CAPN15: variants seen among roughly 807,000 people sequenced by gnomAD.
CAPN15 encodes the protein calpain-15.
Under a neutral mutation model 97.9 loss-of-function variants are expected in CAPN15, and 53 were observed. The observed-to-expected ratio is 0.54, with a 90% CI of 0.43 to 0.68. The LOEUF is 0.68. Ranked by LOEUF, CAPN15 falls within the 30% of genes least tolerant of loss-of-function variation. The pLI, the probability that CAPN15 is intolerant of heterozygous loss-of-function variation, is 0.00. For synonymous variants in CAPN15, 922 were observed against 722.5 expected, an observed-to-expected ratio of 1.28 and a Z score of -4.43; for missense variants, 1,592 against 1,589.8, an observed-to-expected ratio of 1.00 and a Z score of -0.02.
rs780300542 is a variant in CAPN15, at chr16:528,840, G to A, written c.-190+811G>A. Reference sequence around the variant, plus strand: ...CTGAAGAGTTGTGTGCTTCTCCTTCGGGAAACCCGGATCTCTTCCTCTGCC... The same window carrying A: ...CTGAAGAGTTGTGTGCTTCTCCTTCAGGAAACCCGGATCTCTTCCTCTGCC... On this transcript the variant is annotated intron_variant, in intron 1 of 13. Transcript: ENST00000219611. 8 of 858,218 alleles carry A rather than the reference G, an allele frequency of 9.3e-6. No individual in the cohort carries two copies. In the South Asian group the frequency reaches 2.7e-4, roughly 29 times the overall value. The allele number at this position is 858,218 out of a possible 1,614,324, so 53.2% of individuals were successfully genotyped here. A position where few individuals can be genotyped will look rare whatever the true frequency, so the allele number is the denominator to read the frequency against.
intron 3 of CAPN15, chr16:540,089 C>G (rs1267520195): frequency 3.0e-6 from 3 of 985,298 alleles, no homozygotes; most frequent in Admixed American, 1.2e-4. Context: ...GTCACTCTGC[C>G]CAGCCGGCCG....
chr16:533,439 G>T (rs2033417066), intron 1 of CAPN15, among the ~76,000 whole-genome samples: 1 of 152,158 alleles, frequency 6.6e-6, no homozygotes. Context: ...GTGGCCGGGT[G>T]GCACTCGGGC....
chr16:548,196 G>T lies in CAPN15; in HGVS notation c.1358G>T (p.Arg453Leu). 2.6e-6 allele frequency: 4 copies of T among 1,542,324 alleles called. No individual in the cohort carries two copies. The highest frequency in any genetic ancestry group is 3.5e-6 in the Non-Finnish European group (4 of 1,144,782). The change falls in exon 4 of 14, where the codon CGC becomes CTC. Residue 453 changes from arginine (R) to leucine (L), a missense_variant. This residue lies in a region of CAPN15 where 883 missense variants were observed against 776.6 expected (regional missense o/e 1.14). Coordinates refer to ENST00000219611, the MANE Select transcript of CAPN15 (RefSeq NM_005632.3). ...AQRRGAAPLR[R>L]RESMHVEQRR... is the part of the protein sequence containing the mutation. Reference sequence around the variant, plus strand: ...CGGCGGGGGGCCGCGCCCCTGAGGCGCAGGGAGAGCATGCACGTGGAGCAG... The same window carrying T: ...CGGCGGGGGGCCGCGCCCCTGAGGCTCAGGGAGAGCATGCACGTGGAGCAG...
intron 13 of CAPN15, 28 bp downstream of exon 13, chr16:553,069 C>G: frequency 3.7e-6 from 5 of 1,353,452 alleles, no homozygotes; most frequent in Non-Finnish European, 5.0e-6. Flanking sequence ...CCCCCCCACC[C>G]CTGCACAGGT....
At chr16:542,561 C>T (rs2034194082) in intron 3 of CAPN15, among the ~76,000 whole-genome samples, 1 of 152,134 alleles carries the variant, frequency 6.6e-6, no homozygotes, top group Non-Finnish European at 1.5e-5. Flanking sequence ...GTCTCATCCA[C>T]CCGTGCCTGT....
At position 547,645 on chromosome 16, in the gene CAPN15, C is replaced by G. The variant is rs536478246; in HGVS notation, c.807C>G (p.Ala269=). ...VPEAAQPSPS[A]GCRGAPQGSG... is the part of the protein sequence containing the mutation. Reference sequence around the variant, plus strand: ...AGGCTGCCCAGCCGTCACCCTCTGCCGGCTGCAGGGGAGCCCCCCAGGGCT... The same window carrying G: ...AGGCTGCCCAGCCGTCACCCTCTGCGGGCTGCAGGGGAGCCCCCCAGGGCT... Residue 269 remains alanine, a synonymous_variant, in exon 4 of 14, where the codon GCC becomes GCG. Transcript: ENST00000219611. The G allele has an allele frequency of 3.8e-6, 6 of 1,570,200 alleles. No individual in the cohort carries two copies. Among genetic ancestry groups the G allele is most frequent in the Non-Finnish European group, 5.2e-6 (6 of 1,158,608 alleles).
At position 548,082 on chromosome 16, in the gene CAPN15, A is replaced by T; in HGVS notation, c.1244A>T (p.Gln415Leu). The T allele has an allele frequency of 1.9e-6, 3 of 1,539,364 alleles. No individual in the cohort carries two copies. Among genetic ancestry groups the T allele is most frequent in the Non-Finnish European group, 2.6e-6 (3 of 1,142,960 alleles). Reference protein sequence around the residue: ...AARVLPERPGQWACPACTLLN... With the variant: ...AARVLPERPGLWACPACTLLN... ...CGCGTCCTGCCCGAGCGCCCGGGCC[A>T]GTGGGCCTGCCCTGCCTGTACCCTG... The change falls in exon 4 of 14, where the codon CAG becomes CTG. Residue 415 changes from glutamine (Q) to leucine (L), a missense_variant. Around this residue, in one of 3 missense-constraint regions of CAPN15, gnomAD observed 883 missense variants for 776.6 expected, o/e 1.14. Coordinates refer to ENST00000219611, the MANE Select transcript of CAPN15 (RefSeq NM_005632.3).
At position 549,166 on chromosome 16, in the gene CAPN15, C is replaced by T. The variant is rs745875282; in HGVS notation, c.1623C>T (p.Pro541=). 2.5e-6 allele frequency: 4 copies of T among 1,608,518 alleles called. No homozygotes were observed. The highest frequency in any genetic ancestry group is 2.2e-5 in the South Asian group (2 of 91,054). The part of the protein sequence containing the change: ...ATWSVFHTLR[P]SDILQGLLGN... ...GGTCTGTGTTCCACACACTGCGGCCCTCAGACATCCTGCAGGGGCTGCTGG... is the reference window on the plus strand; with the variant it reads ...GGTCTGTGTTCCACACACTGCGGCCTTCAGACATCCTGCAGGGGCTGCTGG... Residue 541 remains proline, a synonymous_variant, in exon 5 of 14, where the codon CCC becomes CCT. Transcript: ENST00000219611.
chr16:551,380 C>G lies in CAPN15; in HGVS notation c.2145C>G (p.Pro715=). 1 of 1,610,582 alleles carries G rather than the reference C, an allele frequency of 6.2e-7. No homozygotes were observed. Among genetic ancestry groups the G allele is most frequent in the South Asian group, 1.1e-5 (1 of 90,956 alleles). ...DSAYESLGLR[P]RHAYSILDVR... is the part of the protein sequence containing the mutation. ...CCTACGAGAGCCTGGGCCTGCGCCCCCGGCATGCCTACTCCATCCTGGATG... is the reference window on the plus strand; with the variant it reads ...CCTACGAGAGCCTGGGCCTGCGCCCGCGGCATGCCTACTCCATCCTGGATG... Residue 715 remains proline, a synonymous_variant, in exon 8 of 14, where the codon CCC becomes CCG. Transcript: ENST00000219611.
In CAPN15 at chr16:552,394, C is replaced by T. The variant is rs777143615; in HGVS notation, c.2601C>T (p.Arg867=). 1.9e-5 allele frequency: 30 copies of T among 1,606,736 alleles called. No individual in the cohort carries two copies. Among genetic ancestry groups the T allele is most frequent in the Admixed American group, 8.4e-5 (5 of 59,820 alleles). ...FGSGGHLSLG[R]LLAHSKRAVK... Reference sequence around the variant, plus strand: ...GCGGCGGCCACCTCAGCCTGGGCCGCCTCCTGGCCCACAGTAAGCGCGCGG... The same window carrying T: ...GCGGCGGCCACCTCAGCCTGGGCCGTCTCCTGGCCCACAGTAAGCGCGCGG... Residue 867 remains arginine, a synonymous_variant, in exon 11 of 14, where the codon CGC becomes CGT. Coordinates refer to ENST00000219611, the MANE Select transcript of CAPN15 (RefSeq NM_005632.3). This position sits in a 1 kb window ranked among gnomAD's most constrained non-coding sequence, Gnocchi z 6.4.
At position 534,632 on chromosome 16, in the gene CAPN15, T is replaced by G. The variant is rs557580370; in HGVS notation, c.-137+634T>G. Among the ~76,000 whole-genome samples, 197 of 152,316 alleles carry G rather than the reference T, an allele frequency of 1.3e-3. 2 individuals are homozygous for G. Among genetic ancestry groups the G allele is most frequent in the Non-Finnish European group, 2.8e-4 (19 of 68,018 alleles). On this transcript the variant is annotated intron_variant, in intron 2 of 13. Transcript: ENST00000219611. ...GGCAGAGTTGCCTGTCTTCAGGTTG[T>G]GGGCACCGACTGAGCTTCGTCCCGG...
chr16:530,578 G>A (rs181818636), intron 1 of CAPN15, among the ~76,000 whole-genome samples: 33 of 152,298 alleles, frequency 2.2e-4, no homozygotes, highest in East Asian at 3.9e-4. Context: ...ACCTAGACCC[G>A]TTCAGCCACA....
At chr16:528,685 C>G in intron 1 of CAPN15, 2 of 983,700 alleles carry the variant, frequency 2.0e-6, no homozygotes. Context: ...CTCTCGGGGC[C>G]CCCTTACTGC....
In CAPN15 at chr16:552,801, T is replaced by TTGGGGG; in HGVS notation, c.2904+30_2904+31insTGGGGG. 6.6e-7 allele frequency: 1 copy of TTGGGGG among 1,504,540 alleles called. No individual in the cohort carries two copies. Among genetic ancestry groups the TTGGGGG allele is most frequent in the Non-Finnish European group, 8.9e-7 (1 of 1,119,168 alleles). The allele number at this position is 1,504,540 out of a possible 1,614,324, so 93.2% of individuals were successfully genotyped here. On this transcript the variant is annotated intron_variant, in intron 12 of 13. Transcript: ENST00000219611. This position sits in a 1 kb window ranked among gnomAD's most constrained non-coding sequence, Gnocchi z 6.4. ...GTGGGGGTCCCGGGGGAGGGTGGCG[T>TTGGGGG]GGGGCAGGGGGAGTATGCCCCAGCA...
chr16:537,116 G>A (rs777569421), intron 3 of CAPN15: 25 of 985,112 alleles, frequency 2.5e-5, no homozygotes, highest in African/African-American at 1.6e-4. Context: ...TGACAGGGAC[G>A]TTTGCTTTTC....
At chr16:534,234 G>GCGAC (rs1363610070) in intron 2 of CAPN15, among the ~76,000 whole-genome samples, 299 of 145,492 alleles carry the variant, frequency 2.1e-3, no homozygotes, top group African/African-American at 3.9e-3. Flanking sequence ...GTCCCGACAG[G>GCGAC]GGTGTTTGTC....
At position 549,029 on chromosome 16, in the gene CAPN15, G is replaced by A. The variant is rs535269157; in HGVS notation, c.1486G>A (p.Gly496Arg). 50 of 1,612,734 alleles carry A rather than the reference G, an allele frequency of 3.1e-5. No homozygotes were observed. Among genetic ancestry groups the A allele is most frequent in the Middle Eastern group, 1.7e-4 (1 of 6,060 alleles). Residue 496 changes from glycine to arginine, a missense_variant, in exon 5 of 14, where the codon GGG (glycine) becomes AGG (arginine). Gly to Arg is a moderately radical substitution (Grantham distance 125). This residue lies in a region of CAPN15 where 883 missense variants were observed against 776.6 expected (regional missense o/e 1.14). Coordinates refer to ENST00000219611, the MANE Select transcript of CAPN15 (RefSeq NM_005632.3). ...VSFVDDSFPP[G>R]PESVGFPAGD... ...CTTCGTGGATGACAGCTTCCCTCCC[G>A]GGCCCGAGTCTGTCGGCTTCCCCGC...
chr16:534,651 G>A (rs539207801), intron 2 of CAPN15, among the ~76,000 whole-genome samples: 83 of 152,314 alleles, frequency 5.4e-4, no homozygotes, highest in South Asian at 3.3e-3. Flanking sequence ...ACTGAGCTTC[G>A]TCCCGGTAGT....
rs2034809297 is a variant in CAPN15, at chr16:549,101, G to A, written c.1558G>A (p.Glu520Lys). The A allele has an allele frequency of 1.2e-6, 2 of 1,612,512 alleles. No individual in the cohort carries two copies. Among genetic ancestry groups the A allele is most frequent in the South Asian group, 1.1e-5 (1 of 91,090 alleles). The change falls in exon 5 of 14, where the codon GAG becomes AAG. Residue 520 changes from glutamate (E) to lysine (K), a missense_variant. By Grantham distance (56) the Glu-to-Lys change is moderately conservative. Around this residue, in one of 3 missense-constraint regions of CAPN15, gnomAD observed 883 missense variants for 776.6 expected, o/e 1.14. Coordinates refer to ENST00000219611, the MANE Select transcript of CAPN15 (RefSeq NM_005632.3). ...QRVRQWLRPQ[E>K]INCSVFRDHR... ...TGTGAGGCAGTGGCTGCGACCCCAG[G>A]AGATCAACTGCTCCGTCTTCAGGGA...
Sources: gnomAD v4.1 joint callset for allele counts (sites outside exome capture counted in the v4.1 genomes callset) on GRCh38, gnomAD v4.1.1 for gene constraint, gnomAD v4.1.1 regional missense constraint, Gnocchi (gnomAD v3.1) non-coding constraint, MANE v1.5 for transcripts, NCBI Gene and HGNC (gene_info 2026-07-23, HGNC 2026-07-21) for gene names.